The following OSBPL10 variants were observed in gnomAD, a reference collection of about 807,000 sequenced individuals.
The protein encoded by OSBPL10 is oxysterol binding protein like 10.
A neutral mutation model predicts 81.7 loss-of-function variants in OSBPL10; 49 were observed. The observed-to-expected ratio is 0.60, with a 90% CI of 0.48 to 0.76. OSBPL10 has a LOEUF of 0.76. OSBPL10 is among the 30% of genes least tolerant of loss of function. The probability of loss-of-function intolerance (pLI) is 0.00; values close to 1 mark genes in which losing one functional copy is unlikely to be tolerated. For synonymous variants in OSBPL10, 419 were observed against 383.6 expected, an observed-to-expected ratio of 1.09 and a Z score of -1.08; for missense variants, 923 against 987.8, an observed-to-expected ratio of 0.93 and a Z score of 0.88.
At chr3:31,798,489 C>T (rs1268121143) in intron 4 of OSBPL10, among the ~76,000 whole-genome samples, 1 of 151,502 alleles carries the variant, frequency 6.6e-6, no homozygotes, top group Non-Finnish European at 1.5e-5. Flanking sequence ...TGAAAAAATA[C>T]ATAAAATATT....
intron 1 of OSBPL10, among the ~76,000 whole-genome samples, chr3:31,921,393 T>C (rs575446573): frequency 1.3e-5 from 2 of 151,960 alleles, no homozygotes; most frequent in Non-Finnish European, 2.9e-5. Flanking sequence ...GGGCAGGAAA[T>C]AACACAAGAT....
chr3:32,012,211 A>G (rs2125540012), intron 2 of OSBPL10, among the ~76,000 whole-genome samples: 1 of 152,358 alleles, frequency 6.6e-6, no homozygotes, highest in East Asian at 1.9e-4. Flanking sequence ...GGGTTACCAC[A>G]AAGGGAAGCC....
At chr3:31,966,035 C>T (rs1379756583) in intron 1 of OSBPL10, among the ~76,000 whole-genome samples, 3 of 138,984 alleles carry the variant, frequency 2.2e-5, no homozygotes, top group Non-Finnish European at 4.6e-5. Context: ...TCGCTCATGC[C>T]TGTAATCCCA....
chr3:31,746,375 C>T (rs1351099978), intron 5 of OSBPL10, among the ~76,000 whole-genome samples: 1 of 152,118 alleles, frequency 6.6e-6, no homozygotes, highest in Non-Finnish European at 1.5e-5. Flanking sequence ...AATAATGGAC[C>T]AGATGCTGCA....
chr3:31,952,928 AC>A (rs1334133927), intron 1 of OSBPL10, among the ~76,000 whole-genome samples: 1 of 130,030 alleles, frequency 7.7e-6, no homozygotes, highest in Non-Finnish European at 1.6e-5. Flanking sequence ...AAATCTTCCT[AC>A]TTTTTTTTTT....
chr3:31,990,929 C>T (rs1239441979), intron 2 of OSBPL10: 2 of 1,574,904 alleles, frequency 1.3e-6, no homozygotes, highest in African/African-American at 1.4e-5. Context: ...AGAATCCATA[C>T]CGGACAGAAA....
chr3:31,681,686 T>C (rs1700646905), intron 8 of OSBPL10, among the ~76,000 whole-genome samples: 1 of 152,168 alleles, frequency 6.6e-6, no homozygotes. Flanking sequence ...TTCCATTCAG[T>C]CTACTTCTCT....
chr3:31,664,323 G>T, intron 10 of OSBPL10, 91 bp from the exon 11 acceptor site: 2 of 1,374,600 alleles, frequency 1.5e-6, no homozygotes, highest in Non-Finnish European at 2.0e-6. Flanking sequence ...AGCAGCGAGG[G>T]GCCGCCAGGC....
chr3:31,965,603 A>AATATATTATATAAATTATATATT (rs1698334404), intron 1 of OSBPL10, among the ~76,000 whole-genome samples: 2 of 53,414 alleles, frequency 3.7e-5, no homozygotes, highest in African/African-American at 1.4e-4. Flanking sequence ...TATATTATAT[A>AATATATTATATAAATTATATATT]ATATATTATA....
intron 1 of OSBPL10, among the ~76,000 whole-genome samples, chr3:31,965,781 T>TA (rs1180038792): frequency 2.3e-4 from 13 of 56,898 alleles, no homozygotes; most frequent in South Asian, 7.8e-4. Context: ...ATATATTATA[T>TA]AAATAGATAA....
intron 6 of OSBPL10, among the ~76,000 whole-genome samples, chr3:31,706,160 G>A (rs891383940): frequency 2.0e-5 from 3 of 152,200 alleles, no homozygotes; most frequent in East Asian, 1.9e-4. Flanking sequence ...TGGGGAGAAC[G>A]ATAAGCGAAA....
chr3:31,727,673 C>T (rs1696850849), intron 6 of OSBPL10, among the ~76,000 whole-genome samples: 1 of 152,104 alleles, frequency 6.6e-6, no homozygotes, highest in African/African-American at 2.4e-5. Context: ...ATATGTGCCA[C>T]CTGTTTCAAA....
intron 5 of OSBPL10, among the ~76,000 whole-genome samples, chr3:31,737,328 CA>C (rs1559441155): frequency 6.6e-6 from 1 of 152,090 alleles, no homozygotes; most frequent in Admixed American, 6.6e-5. Flanking sequence ...AAGGACTGTA[CA>C]GAGCTTGGGG....
Position 31,794,831 on chromosome 3 carries a change from G to C in OSBPL10, c.729+35209C>G, listed in dbSNP as rs182661394. 4.7e-4 allele frequency: 171 copies of C among 366,898 alleles called. 1 individual carries two copies. The highest frequency in any genetic ancestry group is 3.5e-3 in the African/African-American group (160 of 45,106). 22.7% of individuals were successfully genotyped at this position (366,898 alleles called of 1,614,324 possible). The stretch of plus-strand genomic sequence containing the variant: ...ACTCATCACAAGCAGAAACTGAACA[G>C]GAGTGGGGCATGTGGGAAAAAACTG... On this transcript the variant is annotated intron_variant, in intron 4 of 11. Transcript: ENST00000396556.
chr3:32,068,811 C>T lies in OSBPL10; in HGVS notation n.185+8585G>A, dbSNP rs189806481. Reference sequence around the variant, plus strand: ...TTTCCCTCCTGCCTGTCCCTTCAGTCCCAACCCCAAGTGTCACTGAGTCTT... The same window carrying T: ...TTTCCCTCCTGCCTGTCCCTTCAGTTCCAACCCCAAGTGTCACTGAGTCTT... On this transcript the variant is annotated intron_variant and non_coding_transcript_variant, in intron 1 of 3. Transcript: ENST00000479173. Among the ~76,000 whole-genome samples the T allele has an allele frequency of 2.0e-5, 3 of 152,188 alleles. No homozygotes were observed. In the East Asian group the frequency reaches 5.8e-4, roughly 29 times the overall value.
chr3:31,999,668 C>T (rs945693245), intron 2 of OSBPL10, among the ~76,000 whole-genome samples: 7 of 152,158 alleles, frequency 4.6e-5, no homozygotes, highest in African/African-American at 1.4e-4. Context: ...GCCTCAAAAT[C>T]ATTTTTAAAA....
At chr3:32,054,797 C>T (rs1328244873) in intron 1 of OSBPL10, among the ~76,000 whole-genome samples, 1 of 152,114 alleles carries the variant, frequency 6.6e-6, no homozygotes, top group African/African-American at 2.4e-5. Flanking sequence ...TCCCAAAGTT[C>T]TGGGATTACA....
intron 7 of OSBPL10, among the ~76,000 whole-genome samples, chr3:31,688,283 T>TCTCACACACACACACACA: frequency 8.7e-6 from 1 of 115,484 alleles, no homozygotes; most frequent in East Asian, 2.8e-4. Context: ...TCTCTCTCTC[T>TCTCACACACACACACACA]CACACACACA....
chr3:31,787,693 G>A (rs534980877), intron 4 of OSBPL10, among the ~76,000 whole-genome samples: 74 of 151,984 alleles, frequency 4.9e-4, no homozygotes, highest in Non-Finnish European at 7.5e-4. Context: ...TGATCAGCAA[G>A]ACAGCAGATC....
Sources: allele counts gnomAD v4.1 joint callset (sites outside exome capture counted in the v4.1 genomes callset), GRCh38; gene constraint gnomAD v4.1.1; transcripts MANE v1.5; gene names NCBI Gene and HGNC (gene_info 2026-07-23, HGNC 2026-07-21).